The following SOX5 variants were observed in gnomAD, a reference collection of about 807,000 sequenced individuals.
The protein encoded by SOX5 is SRY-box transcription factor 5, also known as transcription factor SOX-5.
A neutral mutation model predicts 92.0 loss-of-function variants in SOX5; 9 were observed. The observed-to-expected ratio is 0.10, with a 90% CI of 0.06 to 0.17. The LOEUF is 0.17. SOX5 is among the 10% of genes least tolerant of loss of function. SOX5 has a pLI of 1.00. For missense variants in SOX5, 642 were observed against 944.5 expected (o/e 0.68, Z 4.20); for synonymous variants, 344 against 336.3 (o/e 1.02, Z -0.25).
intron 4 of SOX5, among the ~76,000 whole-genome samples, chr12:24,173,644 T>A (rs1388883930): frequency 6.6e-6 from 1 of 152,114 alleles, no homozygotes; most frequent in Non-Finnish European, 1.5e-5. Context: ...AGAAAAAAAT[T>A]GCCTGAGGAG....
At chr12:23,749,582 T>C (rs2094118946) in intron 4 of SOX5, among the ~76,000 whole-genome samples, 2 of 151,838 alleles carry the variant, frequency 1.3e-5, no homozygotes, top group South Asian at 2.1e-4. Context: ...TTCTGGGACA[T>C]TATGAAAGAG....
chr12:24,281,130 A>G (rs1401768358), intron 2 of SOX5, among the ~76,000 whole-genome samples: 3 of 151,860 alleles, frequency 2.0e-5, no homozygotes, highest in Non-Finnish European at 4.4e-5. Context: ...AAGAAAACAA[A>G]CTTTAAAACA....
In SOX5 at chr12:23,614,888, G is replaced by A. The variant is rs552184398; in HGVS notation, c.1018-10355C>T. Among the ~76,000 whole-genome samples the A allele has an allele frequency of 1.9e-3, 296 of 152,220 alleles. 1 individual carries two copies. The highest frequency in any genetic ancestry group is 6.3e-3 in the African/African-American group (263 of 41,548). On this transcript the variant is annotated intron_variant, in intron 8 of 14. Coordinates refer to ENST00000451604, the MANE Select transcript of SOX5 (RefSeq NM_006940.6). ...ACAATCTTGGCTCACTGCAACCTCCGCCTCCCAGGTTAAAGCAATTCTACT... is the reference window on the plus strand; with the variant it reads ...ACAATCTTGGCTCACTGCAACCTCCACCTCCCAGGTTAAAGCAATTCTACT...
chr12:23,799,915 C>T (rs1029474199), intron 3 of SOX5, among the ~76,000 whole-genome samples: 1 of 151,820 alleles, frequency 6.6e-6, no homozygotes, highest in South Asian at 2.1e-4. Flanking sequence ...CAGGTAATAA[C>T]CTAGATTAAT....
intron 4 of SOX5, among the ~76,000 whole-genome samples, chr12:24,081,133 C>A (rs534536537): frequency 2.0e-5 from 3 of 151,862 alleles, no homozygotes; most frequent in African/African-American, 4.8e-5. Flanking sequence ...AGCAAGGAAC[C>A]TTTCCAAACA....
chr12:23,633,517 G>A (rs2127311), intron 8 of SOX5, among the ~76,000 whole-genome samples: 127,834 of 151,846 alleles, frequency 0.84, 54,116 homozygotes, highest in African/African-American at 0.92. Flanking sequence ...TGAACCCCTC[G>A]CCTTTAAAAA....
intron 2 of SOX5, among the ~76,000 whole-genome samples, chr12:24,287,299 A>T (rs1250505826): frequency 6.6e-6 from 1 of 152,214 alleles, no homozygotes; most frequent in Non-Finnish European, 1.5e-5. Context: ...AGATATGATT[A>T]TTTAAAGCAG....
chr12:24,146,990 A>T (rs1008433548), intron 4 of SOX5, among the ~76,000 whole-genome samples: 2 of 152,132 alleles, frequency 1.3e-5, no homozygotes, highest in Admixed American at 6.5e-5. Context: ...ATAGTAAAAA[A>T]CCTTTCCACA....
chr12:24,045,118 T>C (rs1438412160), intron 4 of SOX5, among the ~76,000 whole-genome samples: 2 of 151,996 alleles, frequency 1.3e-5, no homozygotes, highest in Non-Finnish European at 2.9e-5. Flanking sequence ...AGCAAAAGCA[T>C]AGTAAGTAAG....
At chr12:23,788,534 T>C (rs2095419492) in intron 3 of SOX5, among the ~76,000 whole-genome samples, 1 of 151,920 alleles carries the variant, frequency 6.6e-6, no homozygotes, top group Admixed American at 6.6e-5. Flanking sequence ...CAAAGCACGG[T>C]TTAATAAAAG....
intron 3 of SOX5, among the ~76,000 whole-genome samples, chr12:24,241,623 A>G (rs1206775433): frequency 6.6e-6 from 1 of 152,176 alleles, no homozygotes; most frequent in African/African-American, 2.4e-5. Flanking sequence ...TCAGGTGACT[A>G]AAGCTACCTC....
At chr12:23,932,328 TA>T (rs1941624468) in intron 1 of SOX5, among the ~76,000 whole-genome samples, 1 of 151,650 alleles carries the variant, frequency 6.6e-6, no homozygotes, top group African/African-American at 2.4e-5. Context: ...ATTTATACTT[TA>T]AAGGGACTAG....
At chr12:23,765,788 A>G (rs2094706939) in intron 3 of SOX5, among the ~76,000 whole-genome samples, 1 of 152,130 alleles carries the variant, frequency 6.6e-6, no homozygotes, top group African/African-American at 2.4e-5. Context: ...ACAAACATGC[A>G]TGCTCACATA....
chr12:24,077,772 CATAT>C (rs35914700), intron 4 of SOX5, among the ~76,000 whole-genome samples: 26,115 of 116,660 alleles, frequency 0.22, 3,033 homozygotes, highest in East Asian at 0.46. Context: ...AAGGTATTTT[CATAT>C]ATATATATAT....
chr12:23,894,414 G>A (rs941809396), intron 2 of SOX5, among the ~76,000 whole-genome samples: 1 of 152,078 alleles, frequency 6.6e-6, no homozygotes, highest in African/African-American at 2.4e-5. Flanking sequence ...TTTCAGTAGA[G>A]ATGGGGTTTC....
At chr12:24,190,095 C>T (rs1565620464) in intron 4 of SOX5, among the ~76,000 whole-genome samples, 1 of 152,112 alleles carries the variant, frequency 6.6e-6, no homozygotes, top group Non-Finnish European at 1.5e-5. Flanking sequence ...CAAATTTGTG[C>T]TTATTTTAGG....
chr12:24,077,901 T>C (rs1942852153), intron 4 of SOX5, among the ~76,000 whole-genome samples: 1 of 150,122 alleles, frequency 6.7e-6, no homozygotes, highest in Non-Finnish European at 1.5e-5. Flanking sequence ...TTACATTAAA[T>C]ACATAAGCTT....
chr12:23,600,391 T>C (rs924217728), intron 9 of SOX5, among the ~76,000 whole-genome samples: 2 of 151,614 alleles, frequency 1.3e-5, no homozygotes, highest in African/African-American at 4.8e-5. Context: ...ATTAAATAAT[T>C]GCTGAAGAGA....
At chr12:24,180,587 ATAACT>A (rs1955382131) in intron 4 of SOX5, among the ~76,000 whole-genome samples, 1 of 152,184 alleles carries the variant, frequency 6.6e-6, no homozygotes, top group Non-Finnish European at 1.5e-5. Context: ...TGCCCCTTTT[ATAACT>A]GTCGTTACTA....
Sources: allele counts gnomAD v4.1 joint callset (sites outside exome capture counted in the v4.1 genomes callset), GRCh38; gene constraint gnomAD v4.1.1; transcripts MANE v1.5; gene names NCBI Gene and HGNC (gene_info 2026-07-23, HGNC 2026-07-21).